SENP1: variants seen among roughly 807,000 people sequenced by gnomAD.
SENP1 encodes the protein sentrin-specific protease 1.
Under a neutral mutation model 93.0 loss-of-function variants are expected in SENP1, and 21 were observed. The ratio of observed to expected loss-of-function variants is 0.23; its 90% CI spans 0.16 to 0.33. SENP1 has a LOEUF of 0.33. Ranked by LOEUF, SENP1 falls within the 10% of genes least tolerant of loss-of-function variation. The pLI is 1.00. For synonymous variants in SENP1, 256 were observed against 259.6 expected (o/e 0.99, Z 0.13); for missense variants, 591 against 758.7 (o/e 0.78, Z 2.60).
chr12:48,077,434 G>A (rs1944178155), intron 6 of SENP1, among the ~76,000 whole-genome samples: 1 of 151,698 alleles, frequency 6.6e-6, no homozygotes, highest in South Asian at 2.1e-4. Context: ...GTTGATTTTT[G>A]CATATGGTAT....
intron 5 of SENP1, chr12:48,085,218 C>T (rs763739851): frequency 2.3e-5 from 35 of 1,531,840 alleles, no homozygotes; most frequent in African/African-American, 8.2e-5. Context: ...AGACACTTTC[C>T]GGCAATTTCT....
intron 13 of SENP1, among the ~76,000 whole-genome samples, chr12:48,060,961 T>C (rs1942921075): frequency 1.3e-5 from 2 of 152,178 alleles, no homozygotes; most frequent in African/African-American, 4.8e-5. Flanking sequence ...ATTAGTCCTT[T>C]GAAGTTGTAC....
chr12:48,099,557 T>C (rs1035467418), intron 2 of SENP1, among the ~76,000 whole-genome samples: 1 of 152,204 alleles, frequency 6.6e-6, no homozygotes, highest in Non-Finnish European at 1.5e-5. Flanking sequence ...GGCTCACACC[T>C]GTAATCCCAG....
At position 48,078,334 on chromosome 12, in the gene SENP1, T is replaced by TATATAC; in HGVS notation, c.553-3542_553-3541insGTATAT. Among the ~76,000 whole-genome samples the TATATAC allele has an allele frequency of 6.8e-4, 46 of 67,894 alleles. 1 individual carries two copies. Among genetic ancestry groups the TATATAC allele is most frequent in the Admixed American group, 2.6e-3 (13 of 5,010 alleles). 44.5% of individuals were successfully genotyped at this position (67,894 alleles called of 152,430 possible). The stretch of plus-strand genomic sequence containing the variant: ...GTAGGATTTTATATATATATATATA[T>TATATAC]ACACACACATATATATATACACACA... On this transcript the variant is annotated intron_variant, in intron 6 of 17. Transcript: ENST00000549518.
In SENP1 at chr12:48,096,396, C is replaced by A. The variant is rs1186115781; in HGVS notation, c.167G>T (p.Arg56Leu). 1 of 1,610,128 alleles carries A rather than the reference C, an allele frequency of 6.2e-7. No individual in the cohort carries two copies. The highest frequency in any genetic ancestry group is 1.7e-5 in the Admixed American group (1 of 59,932). Residue 56 changes from arginine to leucine, a missense_variant, in exon 4 of 18, where the codon CGA (arginine) becomes CTA (leucine). Physicochemically the swap from Arg to Leu is moderately radical, Grantham distance 102. Transcript: ENST00000549518. ...ACTTCTTGTGGAACATGTAAAAGAT[C>A]GGTCCAAATGTCCTTGCCTGGAAGA... is the stretch of plus-strand genomic sequence containing the variant. ...ILSSRQGHLD[R>L]SFTCSTRSAA...
At chr12:48,069,782 A>T (rs1260655843) in intron 9 of SENP1, among the ~76,000 whole-genome samples, 1 of 152,220 alleles carries the variant, frequency 6.6e-6, no homozygotes, top group East Asian at 1.9e-4. Flanking sequence ...ACTCCAAAAA[A>T]GATGTAAGAA....
intron 12 of SENP1, 142 bp downstream of exon 12, chr12:48,064,923 C>T (rs537933267): frequency 3.9e-5 from 23 of 597,352 alleles, no homozygotes; most frequent in South Asian, 3.1e-4. Context: ...GTGATCCACC[C>T]GCTTCAGTCT....
intron 6 of SENP1, 134 bp downstream of exon 6, chr12:48,083,457 T>G: frequency 1.4e-6 from 1 of 719,146 alleles, no homozygotes; most frequent in Non-Finnish European, 2.4e-6. Flanking sequence ...TCAAAAAGAG[T>G]AATTCAGACA....
intron 15 of SENP1, among the ~76,000 whole-genome samples, chr12:48,047,333 C>A (rs1941443120): frequency 6.6e-6 from 1 of 152,200 alleles, no homozygotes; most frequent in Non-Finnish European, 1.5e-5. Flanking sequence ...CTTCTACCTA[C>A]CATTCCTTCT....
intron 4 of SENP1, among the ~76,000 whole-genome samples, chr12:48,092,762 G>C (rs1277827086): frequency 1.3e-5 from 2 of 152,126 alleles, no homozygotes; most frequent in Non-Finnish European, 2.9e-5. Context: ...ATCAACTTGT[G>C]GTATGAGGAT....
intron 13 of SENP1, among the ~76,000 whole-genome samples, 168 bp from the exon 14 acceptor site, chr12:48,049,300 G>A (rs1261163804): frequency 3.3e-5 from 5 of 152,180 alleles, no homozygotes; most frequent in African/African-American, 9.7e-5. Flanking sequence ...CTAGAAGGGG[G>A]AAGGCTGAAG....
chr12:48,068,558 G>C (rs1439521759), intron 9 of SENP1, among the ~76,000 whole-genome samples: 1 of 152,124 alleles, frequency 6.6e-6, no homozygotes, highest in Non-Finnish European at 1.5e-5. Context: ...CAATTCCAAA[G>C]ACTGTGTTCT....
At chr12:48,094,240 C>T (rs1012091149) in intron 4 of SENP1, among the ~76,000 whole-genome samples, 14 of 152,042 alleles carry the variant, frequency 9.2e-5, no homozygotes, top group Admixed American at 3.3e-4. Flanking sequence ...ATTAGCCAGG[C>T]ATGGTGGCAT....
At chr12:48,054,302 G>A (rs1257561209) in intron 13 of SENP1, among the ~76,000 whole-genome samples, 1 of 152,180 alleles carries the variant, frequency 6.6e-6, no homozygotes, top group African/African-American at 2.4e-5. Context: ...GTTATTAGGT[G>A]TGTACATATT....
rs1401675954 is a variant in SENP1, at chr12:48,074,563, A to G, written c.701T>C (p.Leu234Pro). 2 of 1,613,602 alleles carry G rather than the reference A, an allele frequency of 1.2e-6. No individual in the cohort carries two copies. Among genetic ancestry groups the G allele is most frequent in the Non-Finnish European group, 1.7e-6 (2 of 1,179,622 alleles). ...TGCACAAGAGTTTCCATTTTTAAAC[A>G]GTGAGTCTTTCAAAGTATTTTTACT... ...SSSKNTLKDS[L>P]FKNGNSCASQ... Residue 234 changes from leucine (L) to proline (P), a missense_variant, in exon 8 of 18, where the codon CTG becomes CCG. Leu to Pro is a moderately conservative substitution (Grantham distance 98). This residue lies in a region of SENP1 where 238 missense variants were observed against 259.1 expected (regional missense o/e 0.92). Coordinates refer to ENST00000549518, the MANE Select transcript of SENP1 (RefSeq NM_001267594.2).
intron 5 of SENP1, 163 bp downstream of exon 5, chr12:48,088,638 T>G: frequency 1.1e-4 from 74 of 657,596 alleles, no homozygotes; most frequent in East Asian, 2.2e-4. Flanking sequence ...ACTAAGTAAA[T>G]GAGAAGTTGA....
intron 9 of SENP1, among the ~76,000 whole-genome samples, chr12:48,071,311 A>C (rs1382646704): frequency 1.3e-5 from 2 of 152,142 alleles, no homozygotes; most frequent in Non-Finnish European, 1.5e-5. Flanking sequence ...AAGGGAAAAC[A>C]ATATGTTAAG....
In SENP1 at chr12:48,101,500, A is replaced by G; in HGVS notation, c.-28T>C. The G allele has an allele frequency of 3.8e-6, 6 of 1,588,648 alleles. No individual in the cohort carries two copies. The highest frequency in any genetic ancestry group is 2.3e-5 in the East Asian group (1 of 44,166). On this transcript the variant is annotated 5_prime_UTR_variant, in exon 2 of 18. Transcript: ENST00000549518. ...CAAGTCTTTTCACATCACTGACTTT[A>G]GCAAAGATACAAAGTCCTATAAAAG...
Position 48,045,401 on chromosome 12 carries a change from A to G in SENP1, c.1873-17T>C, listed in dbSNP as rs757286795. 1.9e-6 allele frequency: 3 copies of G among 1,611,646 alleles called. No individual in the cohort carries two copies. Among genetic ancestry groups the G allele is most frequent in the African/African-American group, 1.3e-5 (1 of 74,982 alleles). ...CATGTGTTGCTGTAGGGACACAGAG[A>G]CACCCTTAATTTTCAATGCTTTTGT... On this transcript the variant is annotated splice_polypyrimidine_tract_variant and intron_variant, in intron 17 of 17. Coordinates refer to ENST00000549518, the MANE Select transcript of SENP1 (RefSeq NM_001267594.2).
Sources: allele counts gnomAD v4.1 joint callset (sites outside exome capture counted in the v4.1 genomes callset), GRCh38; gene constraint gnomAD v4.1.1; regional missense constraint gnomAD v4.1.1; transcripts MANE v1.5; gene names NCBI Gene and HGNC (gene_info 2026-07-23, HGNC 2026-07-21).